The following CDYL variants were observed in gnomAD, a reference collection of about 807,000 sequenced individuals.
The protein encoded by CDYL is chromodomain Y-like protein.
CDYL carries 8 observed loss-of-function variants against 47.3 expected under a neutral mutation model. That is an observed-to-expected ratio of 0.17 (90% confidence interval 0.10 to 0.31). The LOEUF is 0.31. CDYL is among the 10% of genes least tolerant of loss of function. The pLI, the probability that CDYL is intolerant of heterozygous loss-of-function variation, is 1.00. For missense variants in CDYL, 471 were observed against 701.4 expected, an observed-to-expected ratio of 0.67 and a Z score of 3.71; for synonymous variants, 266 against 265.0, an observed-to-expected ratio of 1.00 and a Z score of -0.04.
intron 2 of CDYL, among the ~76,000 whole-genome samples, chr6:4,927,909 C>T (rs918741296): frequency 6.6e-6 from 1 of 152,150 alleles, no homozygotes; most frequent in Non-Finnish European, 1.5e-5. Context: ...TTTTATTAAA[C>T]AAGACTTTTG....
At chr6:4,866,292 G>C (rs1036043517) in intron 1 of CDYL, among the ~76,000 whole-genome samples, 4 of 152,250 alleles carry the variant, frequency 2.6e-5, no homozygotes, top group South Asian at 2.1e-4. Flanking sequence ...GAGAAGAACA[G>C]AAAATAATTC....
At chr6:4,820,926 T>C (rs1561653609) in intron 1 of CDYL, among the ~76,000 whole-genome samples, 1 of 152,230 alleles carries the variant, frequency 6.6e-6, no homozygotes, top group Non-Finnish European at 1.5e-5. Context: ...ACATCTGGAA[T>C]GTGACATCCA....
At chr6:4,782,059 G>A (rs1289985439) in intron 1 of CDYL, among the ~76,000 whole-genome samples, 1 of 151,440 alleles carries the variant, frequency 6.6e-6, no homozygotes, top group African/African-American at 2.4e-5. Context: ...TCTGCGTGGA[G>A]GTGGGTGGGG....
At chr6:4,752,836 A>ATGTGTGTGTGTG (rs35686534) in intron 3 of CDYL, among the ~76,000 whole-genome samples, 4 of 148,746 alleles carry the variant, frequency 2.7e-5, no homozygotes, top group African/African-American at 9.9e-5. Context: ...AAGGAAAATA[A>ATGTGTGTGTGTG]TGTGTGTGTG....
chr6:4,830,798 C>T (rs1760117511), intron 1 of CDYL, among the ~76,000 whole-genome samples: 1 of 141,488 alleles, frequency 7.1e-6, no homozygotes, highest in African/African-American at 2.6e-5. Flanking sequence ...GTTCCCCTTC[C>T]TGTGTCCATG....
intron 1 of CDYL, among the ~76,000 whole-genome samples, chr6:4,883,901 T>A (rs1299617009): frequency 6.6e-6 from 1 of 152,132 alleles, no homozygotes; most frequent in Non-Finnish European, 1.5e-5. Context: ...CTCCATCAGA[T>A]CCTGTAGTCC....
chr6:4,723,497 G>T (rs1757413069), intron 2 of CDYL, among the ~76,000 whole-genome samples: 1 of 152,260 alleles, frequency 6.6e-6, no homozygotes, highest in African/African-American at 2.4e-5. Context: ...AATGAACAGA[G>T]AAGCATCCTG....
At chr6:4,723,906 A>G (rs1757425500) in intron 2 of CDYL, among the ~76,000 whole-genome samples, 1 of 152,226 alleles carries the variant, frequency 6.6e-6, no homozygotes, top group Non-Finnish European at 1.5e-5. Flanking sequence ...CAAGTTATTC[A>G]TTCCTTATGG....
chr6:4,776,736 G>A lies in CDYL; in HGVS notation c.-48G>A, dbSNP rs1464822758. ...ACAAAGTGTCGGCCGCCCGGCGCCG[G>A]CGCCCGCCCCGACCCTGCCCCTCCC... On this transcript the variant is annotated 5_prime_UTR_variant, in exon 1 of 7. Coordinates refer to ENST00000397588, the MANE Select transcript of CDYL (RefSeq NM_004824.4). 8.6e-6 allele frequency: 11 copies of A among 1,272,382 alleles called. No individual in the cohort carries two copies. In the Admixed American group the frequency reaches 1.7e-4, roughly 20 times the overall value. The allele number at this position is 1,272,382 out of a possible 1,614,324, so 78.8% of individuals were successfully genotyped here.
At chr6:4,860,832 G>A (rs907684440) in intron 1 of CDYL, among the ~76,000 whole-genome samples, 11 of 151,902 alleles carry the variant, frequency 7.2e-5, no homozygotes, top group African/African-American at 2.7e-4. Context: ...GGGAGGCTAG[G>A]CCTGTCTCTC....
chr6:4,806,455 T>C (rs1759372679), intron 1 of CDYL, among the ~76,000 whole-genome samples: 1 of 152,210 alleles, frequency 6.6e-6, no homozygotes, highest in Non-Finnish European at 1.5e-5. Flanking sequence ...GCAGTAGTTT[T>C]AGAGTTTCGC....
At chr6:4,871,756 A>G (rs1381128676) in intron 1 of CDYL, among the ~76,000 whole-genome samples, 1 of 152,174 alleles carries the variant, frequency 6.6e-6, no homozygotes, top group Non-Finnish European at 1.5e-5. Context: ...GAAGAAATAC[A>G]AAGGGGCGCT....
At chr6:4,795,210 G>C (rs2127436496) in intron 1 of CDYL, among the ~76,000 whole-genome samples, 1 of 151,444 alleles carries the variant, frequency 6.6e-6, no homozygotes, top group South Asian at 2.1e-4. Context: ...TTTAAATCTT[G>C]GTTATTGAAT....
chr6:4,860,522 AT>A (rs1187400720), intron 1 of CDYL, among the ~76,000 whole-genome samples: 1 of 147,854 alleles, frequency 6.8e-6, no homozygotes, highest in African/African-American at 2.5e-5. Flanking sequence ...AAATATATAT[AT>A]AATGTATATT....
rs58457972 is a variant in CDYL at position 4,925,409 on chromosome 6, C to CTTT, written c.692-10088_692-10086dup. ...CTCATTACAGGAGCTATTCTTTTTT[C>CTTT]TTTTTTTTTTTTTTTTTTTTGAGAC... On this transcript the variant is annotated intron_variant, in intron 2 of 6. Coordinates refer to ENST00000397588, the MANE Select transcript of CDYL (RefSeq NM_004824.4). Among the ~76,000 whole-genome samples, 390 of 109,232 alleles carry CTTT rather than the reference C, an allele frequency of 3.6e-3. 8 individuals carry two copies. The highest frequency in any genetic ancestry group is 8.1e-3 in the East Asian group (29 of 3,576). 71.7% of individuals were successfully genotyped at this position (109,232 alleles called of 152,430 possible).
At chr6:4,909,114 TTTG>T (rs1757329557) in intron 2 of CDYL, among the ~76,000 whole-genome samples, 2 of 152,190 alleles carry the variant, frequency 1.3e-5, no homozygotes, top group South Asian at 4.1e-4. Context: ...CGCCTTTGGT[TTTG>T]TTGCTCTGTG....
chr6:4,868,596 C>G (rs182596989), intron 1 of CDYL, among the ~76,000 whole-genome samples: 1 of 152,178 alleles, frequency 6.6e-6, no homozygotes, highest in African/African-American at 2.4e-5. Flanking sequence ...AGTAAATGTT[C>G]TGAGTGCACT....
chr6:4,715,289 G>A (rs550418974), intron 1 of CDYL, among the ~76,000 whole-genome samples: 2 of 141,388 alleles, frequency 1.4e-5, no homozygotes, highest in East Asian at 2.1e-4. Flanking sequence ...GACAAGACGC[G>A]CCTCCTTGTC....
intron 4 of CDYL, among the ~76,000 whole-genome samples, chr6:4,940,700 T>A (rs1021502599): frequency 6.6e-6 from 1 of 152,160 alleles, no homozygotes; most frequent in Non-Finnish European, 1.5e-5. Flanking sequence ...TGCCACTGGG[T>A]TTTAAGGACC....
Sources: allele counts gnomAD v4.1 joint callset (sites outside exome capture counted in the v4.1 genomes callset), GRCh38; gene constraint gnomAD v4.1.1; transcripts MANE v1.5; gene names NCBI Gene and HGNC (gene_info 2026-07-23, HGNC 2026-07-21).